HOMER2: variants seen among roughly 807,000 people sequenced by gnomAD.
HOMER2 encodes the protein homer protein homolog 2.
A neutral mutation model predicts 47.0 loss-of-function variants in HOMER2; 27 were observed. The observed-to-expected ratio is 0.57, with a 90% CI of 0.42 to 0.79. HOMER2 has a LOEUF of 0.79. HOMER2 is among the 30% of genes least tolerant of loss of function. The pLI is 0.00. For synonymous variants in HOMER2, 161 were observed against 163.8 expected, an observed-to-expected ratio of 0.98 and a Z score of 0.13; for missense variants, 443 against 435.0, an observed-to-expected ratio of 1.02 and a Z score of -0.16.
chr15:82,940,194 G>A (rs745713749), intron 1 of HOMER2, among the ~76,000 whole-genome samples: 5 of 151,758 alleles, frequency 3.3e-5, no homozygotes, highest in African/African-American at 7.3e-5. Flanking sequence ...TTGTGCACAT[G>A]TACCCTAGAA....
chr15:82,901,043 G>A (rs778131494), intron 1 of HOMER2, among the ~76,000 whole-genome samples: 5 of 152,284 alleles, frequency 3.3e-5, no homozygotes, highest in Non-Finnish European at 7.4e-5. Flanking sequence ...GTGTCTGACA[G>A]TTTTTAAGGA....
intron 3 of HOMER2, among the ~76,000 whole-genome samples, chr15:82,868,541 A>ATATATATTTTTTT: frequency 5.6e-5 from 4 of 71,288 alleles, no homozygotes; most frequent in Non-Finnish European, 1.1e-4. Context: ...ATATATATAT[A>ATATATATTTTTTT]TTTTTTTTTT....
chr15:82,980,876 G>A (rs2151263978), intron 1 of HOMER2, among the ~76,000 whole-genome samples: 1 of 152,268 alleles, frequency 6.6e-6, no homozygotes, highest in South Asian at 2.1e-4. Flanking sequence ...AAACTTGACT[G>A]AATTGAACAG....
intron 7 of HOMER2, among the ~76,000 whole-genome samples, 195 bp from the exon 8 acceptor site, chr15:82,851,426 G>A (rs887011307): frequency 6.6e-6 from 1 of 152,238 alleles, no homozygotes; most frequent in Non-Finnish European, 1.5e-5. Context: ...CTTGTCACGT[G>A]AAGTCTGTAC....
intron 1 of HOMER2, among the ~76,000 whole-genome samples, chr15:82,908,253 T>A (rs933032644): frequency 3.3e-5 from 5 of 152,242 alleles, no homozygotes; most frequent in African/African-American, 1.2e-4. Flanking sequence ...ATTCATTGTA[T>A]AATGAATGTA....
chr15:82,909,078 G>C (rs1378492043), intron 1 of HOMER2, among the ~76,000 whole-genome samples: 1 of 152,104 alleles, frequency 6.6e-6, no homozygotes, highest in Non-Finnish European at 1.5e-5. Context: ...TACTATCTTT[G>C]GATGAACACA....
chr15:82,864,023 T>A (rs1237339852), intron 4 of HOMER2, 144 bp downstream of exon 4: 6 of 521,610 alleles, frequency 1.2e-5, no homozygotes, highest in Non-Finnish European at 2.1e-5. Flanking sequence ...CATAAAAACA[T>A]GTCACTGTGA....
intron 4 of HOMER2, 73 bp from the exon 5 acceptor site, chr15:82,859,208 T>C (rs763404702): frequency 1.7e-5 from 28 of 1,603,818 alleles, no homozygotes; most frequent in Non-Finnish European, 2.4e-5. Context: ...ATTGCTTGTC[T>C]GCACATCGGC....
intron 1 of HOMER2, among the ~76,000 whole-genome samples, chr15:82,980,645 A>G (rs896321641): frequency 6.6e-6 from 1 of 152,198 alleles, no homozygotes; most frequent in Non-Finnish European, 1.5e-5. Flanking sequence ...ATACAGAACA[A>G]TAAGAAAACA....
intron 2 of HOMER2, among the ~76,000 whole-genome samples, chr15:82,876,481 T>C (rs1275569685): frequency 6.6e-6 from 1 of 152,130 alleles, no homozygotes; most frequent in Non-Finnish European, 1.5e-5. Context: ...GGTTATAAAA[T>C]ATCAACAATG....
chr15:82,982,013 A>G (rs930892714), intron 1 of HOMER2, among the ~76,000 whole-genome samples: 2 of 152,222 alleles, frequency 1.3e-5, no homozygotes, highest in African/African-American at 4.8e-5. Context: ...TATGTTACAT[A>G]TATTTTACCA....
intron 1 of HOMER2, among the ~76,000 whole-genome samples, chr15:82,941,151 A>C (rs757863633): frequency 2.0e-5 from 3 of 151,986 alleles, no homozygotes; most frequent in Non-Finnish European, 4.4e-5. Context: ...TATCTCTAAA[A>C]TAATTTTCCT....
intron 1 of HOMER2, among the ~76,000 whole-genome samples, chr15:82,960,687 C>T (rs1476258199): frequency 1.3e-5 from 2 of 152,122 alleles, no homozygotes; most frequent in South Asian, 2.1e-4. Context: ...ACCTACTATG[C>T]GCCAGCCTAG....
exon 2 of HOMER2, chr15:82,837,649 T>C (rs1355349699): frequency 6.6e-6 from 1 of 152,144 alleles, no homozygotes; most frequent in African/African-American, 2.4e-5. Context: ...GTCCCAAGTC[T>C]GGAGAAGTGG....
At chr15:82,943,928 C>T (rs1314703769) in intron 1 of HOMER2, among the ~76,000 whole-genome samples, 1 of 152,244 alleles carries the variant, frequency 6.6e-6, no homozygotes, top group Non-Finnish European at 1.5e-5. Context: ...CACCCTGACT[C>T]CTCTGGCTAG....
chr15:82,919,762 A>G (rs1180196076), intron 1 of HOMER2, among the ~76,000 whole-genome samples: 1 of 152,258 alleles, frequency 6.6e-6, no homozygotes, highest in Non-Finnish European at 1.5e-5. Context: ...TACAGTTCCA[A>G]TGTCAACAGC....
intron 4 of HOMER2, 144 bp from the exon 5 acceptor site, chr15:82,859,279 A>G: frequency 8.8e-7 from 1 of 1,137,930 alleles, no homozygotes; most frequent in South Asian, 1.5e-5. Context: ...TCCAACCAGA[A>G]TGCAGCAAAG....
At chr15:82,894,406 GA>G (rs1287872343) in intron 1 of HOMER2, among the ~76,000 whole-genome samples, 2 of 151,958 alleles carry the variant, frequency 1.3e-5, no homozygotes, top group Non-Finnish European at 2.9e-5. Flanking sequence ...GATACAAATA[GA>G]AAAAAAGCCA....
chr15:82,984,630 C>A (rs1416382344), intron 1 of HOMER2, among the ~76,000 whole-genome samples: 2 of 152,154 alleles, frequency 1.3e-5, no homozygotes, highest in Admixed American at 6.5e-5. Context: ...CCAGACTGGG[C>A]AATACTGCAA....
Sources: gnomAD v4.1 joint callset for allele counts (sites outside exome capture counted in the v4.1 genomes callset) on GRCh38, gnomAD v4.1.1 for gene constraint, MANE v1.5 for transcripts, NCBI Gene and HGNC (gene_info 2026-07-23, HGNC 2026-07-21) for gene names.